NLRP4: variants seen among roughly 807,000 people sequenced by gnomAD.
NLRP4 encodes NACHT, LRR and PYD domains-containing protein 4.
NLRP4 carries 44 observed loss-of-function variants against 84.7 expected under a neutral mutation model. The ratio of observed to expected loss-of-function variants is 0.52; its 90% CI spans 0.41 to 0.67. The LOEUF (loss-of-function observed/expected upper bound fraction) is 0.67, where lower values mean the gene tolerates loss of function less well. Among genes scored for constraint, NLRP4 ranks in the 30% least tolerant of loss-of-function variants. NLRP4 has a pLI of 0.00. For synonymous variants in NLRP4, 544 were observed against 476.4 expected (o/e 1.14, Z -1.85); for missense variants, 1,260 against 1,219.4 (o/e 1.03, Z -0.50).
rs1455127249 is a variant in NLRP4, at chr19:55,881,696, G to A, written c.*109G>A. 5 of 605,764 alleles carry A rather than the reference G, an allele frequency of 8.3e-6. No homozygotes were observed. The highest frequency in any genetic ancestry group is 1.9e-5 in the African/African-American group (1 of 53,784). 37.5% of individuals were successfully genotyped at this position (605,764 alleles called of 1,614,324 possible). On this transcript the variant is annotated 3_prime_UTR_variant, in exon 10 of 10. Transcript: ENST00000301295. ...ATACAAATCATTGATACTCTGAGTTGTGAGATTTCTGGCACCCCATTCATA... is the reference window on the plus strand; with the variant it reads ...ATACAAATCATTGATACTCTGAGTTATGAGATTTCTGGCACCCCATTCATA...
intron 2 of NLRP4, among the ~76,000 whole-genome samples, chr19:55,856,618 C>T (rs776447154): frequency 1.8e-4 from 26 of 148,276 alleles, no homozygotes; most frequent in South Asian, 8.6e-4. Context: ...CGGGTTCAAG[C>T]GATTCTCCTG....
At chr19:55,860,227 T>C (rs900094839) in intron 3 of NLRP4, among the ~76,000 whole-genome samples, 7 of 152,036 alleles carry the variant, frequency 4.6e-5, no homozygotes, top group Admixed American at 2.6e-4. Flanking sequence ...CCTCGTGATC[T>C]GCCCACCTCG....
At chr19:55,859,355 T>C in intron 3 of NLRP4, 106 bp downstream of exon 3, 1 of 894,888 alleles carries the variant, frequency 1.1e-6, no homozygotes, top group Non-Finnish European at 1.7e-6. Context: ...AGAAACTCAT[T>C]TTTTCTGCCA....
chr19:55,854,218 C>A (rs1365449227), intron 2 of NLRP4, among the ~76,000 whole-genome samples: 1 of 152,088 alleles, frequency 6.6e-6, no homozygotes, highest in Non-Finnish European at 1.5e-5. Flanking sequence ...GTGATCTGCA[C>A]ACCTCAGCCT....
Position 55,873,872 on chromosome 19 carries a change from T to C in NLRP4, c.2525+2875T>C, listed in dbSNP as rs376178543. Among the ~76,000 whole-genome samples the C allele has an allele frequency of 8.9e-4, 136 of 152,196 alleles. 1 individual carries two copies. The Middle Eastern group carries it at 0.01, about 11-fold the overall frequency. ...AAATCATAATGGAAATTAGAACATA[T>C]GTTGAAATGAAAAAGGAATATACTT... On this transcript the variant is annotated intron_variant, in intron 7 of 9. Coordinates refer to ENST00000301295, the MANE Select transcript of NLRP4 (RefSeq NM_134444.5).
chr19:55,843,223 T>A (rs1020441069), intron 1 of NLRP4, among the ~76,000 whole-genome samples: 2 of 152,184 alleles, frequency 1.3e-5, no homozygotes, highest in African/African-American at 4.8e-5. Context: ...GTCCTCCCCT[T>A]GCCTTACCCC....
intron 2 of NLRP4, among the ~76,000 whole-genome samples, chr19:55,853,905 CTT>C (rs71296982): frequency 0.024 from 3,418 of 140,350 alleles, 441 homozygotes; most frequent in African/African-American, 0.09. Context: ...CTCTCTCTCT[CTT>C]TCTCTTTCTT....
intron 5 of NLRP4, among the ~76,000 whole-genome samples, chr19:55,863,587 G>A (rs371471586): frequency 3.2e-4 from 48 of 152,172 alleles, no homozygotes; most frequent in African/African-American, 9.6e-4. Context: ...CCATGATTCC[G>A]TCACCCCCCA....
chr19:55,868,049 GTCT>G (rs1985030815), intron 6 of NLRP4, among the ~76,000 whole-genome samples, 173 bp downstream of exon 6: 1 of 152,218 alleles, frequency 6.6e-6, no homozygotes, highest in Non-Finnish European at 1.5e-5. Flanking sequence ...CGTATATACT[GTCT>G]TCTTAAGCAA....
At chr19:55,854,694 A>G (rs1330689032) in intron 2 of NLRP4, among the ~76,000 whole-genome samples, 3 of 152,114 alleles carry the variant, frequency 2.0e-5, no homozygotes, top group African/African-American at 4.8e-5. Context: ...GATTTGGAAC[A>G]TCACTTGGAA....
At chr19:55,852,756 C>T (rs1280237088) in intron 2 of NLRP4, among the ~76,000 whole-genome samples, 1 of 152,174 alleles carries the variant, frequency 6.6e-6, no homozygotes, top group African/African-American at 2.4e-5. Context: ...GGATTATAGG[C>T]ATGATCCACC....
chr19:55,859,926 CA>C (rs1166037425), intron 3 of NLRP4, among the ~76,000 whole-genome samples: 952 of 17,480 alleles, frequency 0.054, 3 homozygotes, highest in African/African-American at 0.19. Context: ...CTCTCATCTC[CA>C]AAAAAAAAAA....
At position 55,878,625 on chromosome 19, in the gene NLRP4, A is replaced by G. The variant is rs199475754; in HGVS notation, c.2697-169A>G. On this transcript the variant is annotated intron_variant, in intron 8 of 9. Coordinates refer to ENST00000301295, the MANE Select transcript of NLRP4 (RefSeq NM_134444.5). ...CAGAGAAGAATGGACACTTATGGCT[A>G]CTTTTACCACCTACCCACAGACGCG... Among the ~76,000 whole-genome samples the G allele has an allele frequency of 6.6e-6, 1 of 152,280 alleles. No homozygotes were observed. Among genetic ancestry groups the G allele is most frequent in the East Asian group, 1.9e-4 (1 of 5,176 alleles).
intron 1 of NLRP4, among the ~76,000 whole-genome samples, chr19:55,840,805 C>T (rs1983584888): frequency 6.6e-6 from 1 of 152,164 alleles, no homozygotes; most frequent in Non-Finnish European, 1.5e-5. Flanking sequence ...AGATTTCTCA[C>T]CAATGTTTTG....
chr19:55,864,789 T>C (rs1019988666), intron 5 of NLRP4, among the ~76,000 whole-genome samples: 1 of 152,158 alleles, frequency 6.6e-6, no homozygotes, highest in Non-Finnish European at 1.5e-5. Context: ...CTAGTAGATG[T>C]GAAGGAGCAT....
At chr19:55,843,085 G>C (rs1983673293) in intron 1 of NLRP4, among the ~76,000 whole-genome samples, 1 of 152,048 alleles carries the variant, frequency 6.6e-6, no homozygotes. Flanking sequence ...ATTTTATTCT[G>C]GTTAGACTTG....
intron 1 of NLRP4, among the ~76,000 whole-genome samples, chr19:55,846,330 G>A (rs995029411): frequency 6.6e-6 from 1 of 152,092 alleles, no homozygotes; most frequent in Non-Finnish European, 1.5e-5. Context: ...TCAGATAGTT[G>A]TAGATATGCG....
intron 6 of NLRP4, 51 bp from the exon 7 acceptor site, chr19:55,870,776 T>G: frequency 8.5e-5 from 115 of 1,360,408 alleles, no homozygotes; most frequent in Non-Finnish European, 1.0e-4. Context: ...CAAATCTCCC[T>G]GAGACACCAC....
Position 55,861,443 on chromosome 19 carries a change from G to A in NLRP4, c.1914G>A (p.Gly638=). Residue 638 remains glycine, a synonymous_variant, in exon 4 of 10, where the codon GGG becomes GGA. Transcript: ENST00000301295. ...HHICSVLTTS[G]HLRELQVQDS... ...TCTGCTCTGTGCTCACCACCAGCGG[G>A]CACCTCAGAGAGCTCCAGGTGCAGG... 6.2e-7 allele frequency: 1 copy of A among 1,614,146 alleles called. No individual in the cohort carries two copies. Among genetic ancestry groups the A allele is most frequent in the Non-Finnish European group, 8.5e-7 (1 of 1,179,986 alleles).
Sources: gnomAD v4.1 joint callset for allele counts (sites outside exome capture counted in the v4.1 genomes callset) on GRCh38, gnomAD v4.1.1 for gene constraint, MANE v1.5 for transcripts, NCBI Gene and HGNC (gene_info 2026-07-23, HGNC 2026-07-21) for gene names.